TMEM178B: variants seen among roughly 807,000 people sequenced by gnomAD.
TMEM178B encodes the protein transmembrane protein 178B.
TMEM178B carries 5 observed loss-of-function variants against 31.0 expected under a neutral mutation model. The observed-to-expected ratio is 0.16, with a 90% CI of 0.08 to 0.34. The LOEUF is 0.34. Ranked by LOEUF, TMEM178B falls within the 10% of genes least tolerant of loss-of-function variation. TMEM178B has a pLI of 1.00. For missense variants in TMEM178B, 275 were observed against 400.3 expected (o/e 0.69, Z 2.67); for synonymous variants, 164 against 164.0 (o/e 1.00, Z 0.00).
intron 2 of TMEM178B, among the ~76,000 whole-genome samples, chr7:141,249,477 A>G (rs911107388): frequency 3.3e-5 from 5 of 152,274 alleles, no homozygotes; most frequent in African/African-American, 9.6e-5. Flanking sequence ...AGAGTGGGAC[A>G]GTGCTGTAAA....
At chr7:141,367,523 C>A (rs938721673) in intron 2 of TMEM178B, among the ~76,000 whole-genome samples, 1 of 152,158 alleles carries the variant, frequency 6.6e-6, no homozygotes, top group African/African-American at 2.4e-5. Context: ...GATCTGCCTG[C>A]CTTGGCCTCC....
At chr7:141,097,088 T>TA (rs759848514) in intron 1 of TMEM178B, among the ~76,000 whole-genome samples, 8 of 129,826 alleles carry the variant, frequency 6.2e-5, no homozygotes, top group Non-Finnish European at 6.5e-5. Context: ...AGAAGTTGTC[T>TA]CAAAAAAAAA....
At chr7:141,212,474 T>C in intron 1 of TMEM178B, 117 bp from the exon 2 acceptor site, 1 of 769,972 alleles carries the variant, frequency 1.3e-6, no homozygotes, top group South Asian at 1.6e-5. Flanking sequence ...TCTGTAGTTG[T>C]CACCAGGCCC....
intron 2 of TMEM178B, among the ~76,000 whole-genome samples, chr7:141,380,167 TC>T (rs1234224849): frequency 6.6e-6 from 1 of 152,156 alleles, no homozygotes; most frequent in African/African-American, 2.4e-5. Context: ...TTGATTAAAG[TC>T]CCCACACATT....
At chr7:141,198,710 G>T (rs1306399822) in intron 1 of TMEM178B, among the ~76,000 whole-genome samples, 1 of 152,176 alleles carries the variant, frequency 6.6e-6, no homozygotes, top group Non-Finnish European at 1.5e-5. Flanking sequence ...TCCCCAGAGA[G>T]AAAGCATGAG....
chr7:141,386,976 A>G (rs1438110915), intron 2 of TMEM178B, among the ~76,000 whole-genome samples: 1 of 152,176 alleles, frequency 6.6e-6, no homozygotes, highest in Non-Finnish European at 1.5e-5. Flanking sequence ...AAGAAGTCAA[A>G]TTATTCTAGC....
chr7:141,496,519 A>T, the TMEM178B span, among the ~76,000 whole-genome samples: 1 of 149,462 alleles, frequency 6.7e-6, no homozygotes, highest in South Asian at 2.1e-4. Context: ...AAATACAAAA[A>T]ATTAGCCAGG....
At chr7:141,359,510 A>G (rs1031416820) in intron 2 of TMEM178B, among the ~76,000 whole-genome samples, 5 of 152,224 alleles carry the variant, frequency 3.3e-5, no homozygotes, top group Non-Finnish European at 5.9e-5. Context: ...ATGACTGTAA[A>G]CAATCGTGAT....
intron 1 of TMEM178B, among the ~76,000 whole-genome samples, chr7:141,097,789 C>CTTTTTT (rs1307832280): frequency 7.3e-6 from 1 of 136,516 alleles, no homozygotes; most frequent in African/African-American, 3.1e-5. Context: ...CTTTTTCTTT[C>CTTTTTT]TTTCTTTTTT....
intron 2 of TMEM178B, among the ~76,000 whole-genome samples, chr7:141,290,226 A>G (rs1798522254): frequency 6.6e-6 from 1 of 152,220 alleles, no homozygotes; most frequent in African/African-American, 2.4e-5. Flanking sequence ...GGGAGAAAGC[A>G]TCTGTTTGGT....
chr7:141,329,192 A>G (rs562452174), intron 2 of TMEM178B, among the ~76,000 whole-genome samples: 180 of 152,290 alleles, frequency 1.2e-3, no homozygotes, highest in African/African-American at 4.1e-3. Context: ...CTGGCAAGAG[A>G]TACCATGAAG....
intron 3 of TMEM178B, 107 bp downstream of exon 3, chr7:141,437,852 G>A: frequency 7.0e-7 from 1 of 1,425,928 alleles, no homozygotes; most frequent in South Asian, 1.4e-5. Context: ...GACGTGACTG[G>A]GGTTCTCATT....
intron 1 of TMEM178B, among the ~76,000 whole-genome samples, chr7:141,175,350 T>C (rs1255896637): frequency 6.6e-6 from 1 of 152,220 alleles, no homozygotes; most frequent in Non-Finnish European, 1.5e-5. Flanking sequence ...TACCATGCTC[T>C]TTTGGTTACT....
chr7:141,175,990 C>CAACA (rs1796426948), intron 1 of TMEM178B, among the ~76,000 whole-genome samples: 1 of 152,138 alleles, frequency 6.6e-6, no homozygotes, highest in South Asian at 2.1e-4. Flanking sequence ...ACTTCTAATA[C>CAACA]TATGTTGAAT....
At chr7:141,415,533 G>A (rs1317381501) in intron 2 of TMEM178B, 1 of 152,660 alleles carries the variant, frequency 6.6e-6, no homozygotes, top group East Asian at 1.9e-4. Flanking sequence ...TGGGTTCAAG[G>A]GAAGAAGGGC....
chr7:141,202,657 C>A (rs964149397), intron 1 of TMEM178B, among the ~76,000 whole-genome samples: 2 of 152,192 alleles, frequency 1.3e-5, no homozygotes, highest in African/African-American at 4.8e-5. Flanking sequence ...TCTGGCTGGG[C>A]CTGCAGCAGC....
intron 2 of TMEM178B, among the ~76,000 whole-genome samples, chr7:141,247,640 A>T (rs1475066532): frequency 6.6e-6 from 1 of 152,152 alleles, no homozygotes; most frequent in African/African-American, 2.4e-5. Context: ...CTAGTGGAGG[A>T]TGCAGAGGAA....
chr7:141,294,555 G>A (rs904717858), intron 2 of TMEM178B, among the ~76,000 whole-genome samples: 2 of 152,208 alleles, frequency 1.3e-5, no homozygotes, highest in African/African-American at 4.8e-5. Context: ...TTCAAAAAAT[G>A]TTAACTATAC....
At chr7:141,174,411 G>A (rs758758909) in intron 1 of TMEM178B, among the ~76,000 whole-genome samples, 10 of 152,052 alleles carry the variant, frequency 6.6e-5, no homozygotes, top group Admixed American at 2.0e-4. Flanking sequence ...GAACAGTGCC[G>A]CAATAAACAT....
Sources: allele counts gnomAD v4.1 joint callset (sites outside exome capture counted in the v4.1 genomes callset), GRCh38; gene constraint gnomAD v4.1.1; transcripts MANE v1.5; gene names NCBI Gene and HGNC (gene_info 2026-07-23, HGNC 2026-07-21).